MCCC2: variants seen among roughly 807,000 people sequenced by gnomAD.
MCCC2 encodes the protein methylcrotonoyl-CoA carboxylase beta chain, mitochondrial.
In MCCC2, 52 loss-of-function variants were observed where a neutral mutation model predicts 77.2. The ratio of observed to expected loss-of-function variants is 0.67; its 90% confidence interval spans 0.54 to 0.85. MCCC2 has a LOEUF of 0.85. MCCC2 is among the 40% of genes least tolerant of loss of function. The pLI is 0.00. For synonymous variants in MCCC2, 253 were observed against 248.4 expected, an observed-to-expected ratio of 1.02 and a Z score of -0.18; for missense variants, 682 against 703.2, an observed-to-expected ratio of 0.97 and a Z score of 0.34.
At chr5:71,603,854 C>T (rs138108290) in intron 5 of MCCC2, among the ~76,000 whole-genome samples, 2 of 152,016 alleles carry the variant, frequency 1.3e-5, no homozygotes, top group African/African-American at 2.4e-5. Context: ...GTAAGGAAAC[C>T]GGGGCATAGG....
In MCCC2 at chr5:71,649,207, G is replaced by A. The variant is rs2112467905; in HGVS notation, c.1327G>A (p.Gly443Ser). The A allele has an allele frequency of 6.2e-7, 1 of 1,614,206 alleles. No homozygotes were observed. Reference protein sequence around the residue: ...QVPKITLIIGGSYGAGNYGMC... With the variant: ...QVPKITLIIGSSYGAGNYGMC... ...GCCTAAGATAACCCTCATCATTGGG[G>A]GCTCCTATGGAGCCGGAAACTATGG... Residue 443 changes from glycine to serine, a missense_variant, in exon 14 of 17, where the codon GGC becomes AGC. Physicochemically the swap from Gly to Ser is moderately conservative, Grantham distance 56. Coordinates refer to ENST00000340941, the MANE Select transcript of MCCC2 (RefSeq NM_022132.5).
Position 71,602,501 on chromosome 5 carries a change from T to C in MCCC2, c.384-5T>C, listed in dbSNP as rs1328725619. ...TCTCTCTCCAATGAAATTTCTGCCT[T>C]TCAGAGTAGAATGCATGATTATTGC... On this transcript the variant is annotated splice_region_variant and splice_polypyrimidine_tract_variant and intron_variant, in intron 4 of 16. Coordinates refer to ENST00000340941, the MANE Select transcript of MCCC2 (RefSeq NM_022132.5). The C allele has an allele frequency of 1.2e-6, 2 of 1,614,042 alleles. No individual in the cohort carries two copies. Among genetic ancestry groups the C allele is most frequent in the African/African-American group, 2.7e-5 (2 of 74,928 alleles).
At chr5:71,626,607 A>G (rs1210349482) in intron 6 of MCCC2, 33 bp from the exon 7 acceptor site, 2 of 1,525,850 alleles carry the variant, frequency 1.3e-6, no homozygotes, top group South Asian at 1.1e-5. Context: ...CATGAGCTGC[A>G]TCTCATGTGT....
intron 7 of MCCC2, among the ~76,000 whole-genome samples, chr5:71,628,463 A>G (rs942337270): frequency 1.3e-5 from 2 of 152,146 alleles, no homozygotes; most frequent in Non-Finnish European, 2.9e-5. Context: ...GCCTAACCCA[A>G]GGTCATGAAG....
intron 10 of MCCC2, among the ~76,000 whole-genome samples, chr5:71,640,322 C>G (rs1047293283): frequency 4.1e-5 from 6 of 145,256 alleles, no homozygotes; most frequent in Admixed American, 2.0e-4. Flanking sequence ...GCTGTTTATC[C>G]TTTTATTTTT....
In MCCC2 at chr5:71,587,401, G is replaced by C. The variant is rs1193050657; in HGVS notation, c.-25G>C. ...CACCGGCTCCAGGCCAGCGTGGGCCGCTCTCTCGCTCGGTGCCCGCCGCCA... is the reference window on the plus strand; with the variant it reads ...CACCGGCTCCAGGCCAGCGTGGGCCCCTCTCTCGCTCGGTGCCCGCCGCCA... On this transcript the variant is annotated 5_prime_UTR_variant, in exon 1 of 17. Coordinates refer to ENST00000340941, the MANE Select transcript of MCCC2 (RefSeq NM_022132.5). 6.5e-7 allele frequency: 1 copy of C among 1,532,270 alleles called. No individual in the cohort carries two copies. The highest frequency in any genetic ancestry group is 1.4e-5 in the African/African-American group (1 of 72,912). 94.9% of individuals were successfully genotyped at this position (1,532,270 alleles called of 1,614,324 possible).
At position 71,635,015 on chromosome 5, in the gene MCCC2, G is replaced by A. The variant is rs372036992; in HGVS notation, c.876G>A (p.Arg292=). The change falls in exon 9 of 17, where the codon AGG becomes AGA. Residue 292 remains arginine (R), a synonymous_variant. Coordinates refer to ENST00000340941, the MANE Select transcript of MCCC2 (RefSeq NM_022132.5). ...TTCACTTAACTAGGAAGGTTGTGAG[G>A]AATCTAAATTATCAGAAGAAATTGG... is the stretch of plus-strand genomic sequence containing the variant. ...HALHLTRKVV[R]NLNYQKKLDV... 3.1e-6 allele frequency: 5 copies of A among 1,614,094 alleles called. No homozygotes were observed. In the African/African-American group the frequency reaches 6.7e-5, roughly 22 times the overall value.
intron 6 of MCCC2, among the ~76,000 whole-genome samples, chr5:71,609,361 A>G (rs1437333282): frequency 6.6e-6 from 1 of 151,966 alleles, no homozygotes. Context: ...TGATCGCTTC[A>G]GCTCCTGAGG....
intron 6 of MCCC2, among the ~76,000 whole-genome samples, chr5:71,616,008 T>C (rs140508156): frequency 9.3e-4 from 141 of 152,246 alleles, no homozygotes; most frequent in African/African-American, 3.4e-3. Context: ...GAGTTAATAA[T>C]TGACCATGCC....
chr5:71,644,029 G>A (rs1021677817), intron 12 of MCCC2, 134 bp downstream of exon 12: 7 of 880,180 alleles, frequency 8.0e-6, no homozygotes, highest in Non-Finnish European at 1.1e-5. Flanking sequence ...CTGTGTGCGC[G>A]GGCATGTGTG....
At chr5:71,656,489 A>C (rs1042691245) in intron 16 of MCCC2, among the ~76,000 whole-genome samples, 1 of 152,186 alleles carries the variant, frequency 6.6e-6, no homozygotes, top group African/African-American at 2.4e-5. Flanking sequence ...GATCTCTTAT[A>C]AAAGTAGTTC....
chr5:71,656,452 G>A (rs1336371767), intron 16 of MCCC2, among the ~76,000 whole-genome samples: 5 of 152,084 alleles, frequency 3.3e-5, no homozygotes, highest in Non-Finnish European at 7.4e-5. Context: ...ATAAGTAAAC[G>A]TATTGTCAAA....
At chr5:71,627,483 T>C (rs1358577470) in intron 7 of MCCC2, among the ~76,000 whole-genome samples, 1 of 152,242 alleles carries the variant, frequency 6.6e-6, no homozygotes, top group Non-Finnish European at 1.5e-5. Context: ...CATTCATCAG[T>C]TGATGGGCAT....
chr5:71,655,475 T>G (rs959214187), intron 16 of MCCC2, among the ~76,000 whole-genome samples: 4 of 152,228 alleles, frequency 2.6e-5, no homozygotes, highest in Non-Finnish European at 4.4e-5. Context: ...GGGGCAGTCT[T>G]TTTAATGAAC....
At chr5:71,596,802 T>C (rs1745207459) in intron 3 of MCCC2, among the ~76,000 whole-genome samples, 1 of 152,010 alleles carries the variant, frequency 6.6e-6, no homozygotes, top group Non-Finnish European at 1.5e-5. Context: ...TAGCTGGGCA[T>C]GGTGGCATGT....
chr5:71,633,104 TATATATATATATA>T (rs1561841243), intron 8 of MCCC2, among the ~76,000 whole-genome samples: 4 of 20,918 alleles, frequency 1.9e-4, no homozygotes, highest in Non-Finnish European at 4.6e-4. Context: ...TATATATATA[TATATATATATATA>T]TATATATATA....
chr5:71,598,926 A>AAT (rs1554133739), intron 3 of MCCC2, among the ~76,000 whole-genome samples: 9 of 147,120 alleles, frequency 6.1e-5, no homozygotes, highest in African/African-American at 2.2e-4. Context: ...TGTGTTGAAA[A>AAT]TTTTTTTTTT....
intron 15 of MCCC2, 44 bp from the exon 16 acceptor site, chr5:71,652,625 G>C: frequency 6.8e-7 from 1 of 1,468,206 alleles, no homozygotes; most frequent in Non-Finnish European, 9.5e-7. Context: ...AACAGGGCCA[G>C]TTGTTCACTG....
At chr5:71,619,235 T>C (rs1027324063) in intron 6 of MCCC2, among the ~76,000 whole-genome samples, 1 of 152,116 alleles carries the variant, frequency 6.6e-6, no homozygotes, top group Non-Finnish European at 1.5e-5. Flanking sequence ...TTAGTTAGGA[T>C]AGGTACTGCA....
Sources: allele counts gnomAD v4.1 joint callset (sites outside exome capture counted in the v4.1 genomes callset), GRCh38; gene constraint gnomAD v4.1.1; transcripts MANE v1.5; gene names NCBI Gene and HGNC (gene_info 2026-07-23, HGNC 2026-07-21).